The following MDGA2 variants were observed in gnomAD, a reference collection of about 807,000 sequenced individuals.
MDGA2 encodes MAM domain containing glycosylphosphatidylinositol anchor 2, also known as MAM domain-containing glycosylphosphatidylinositol anchor protein 2.
MDGA2 carries 40 observed loss-of-function variants against 117.8 expected under a neutral mutation model. That is an observed-to-expected ratio of 0.34 (90% CI 0.26 to 0.44). The LOEUF is 0.44. Among genes scored for constraint, MDGA2 ranks in the 20% least tolerant of loss-of-function variants. The pLI is 1.00. For synonymous variants in MDGA2, 452 were observed against 439.0 expected (o/e 1.03, Z -0.37); for missense variants, 1,123 against 1,250.6 (o/e 0.90, Z 1.54).
chr14:46,890,338 A>T (rs1882832897), intron 10 of MDGA2, among the ~76,000 whole-genome samples: 1 of 152,138 alleles, frequency 6.6e-6, no homozygotes, highest in African/African-American at 2.4e-5. Context: ...CAGTTAATAA[A>T]GAAAATTACA....
intron 10 of MDGA2, among the ~76,000 whole-genome samples, chr14:46,906,389 T>C (rs1391722724): frequency 6.6e-6 from 1 of 152,126 alleles, no homozygotes; most frequent in African/African-American, 2.4e-5. Context: ...GGACCAGAAT[T>C]ACTGAACTTT....
intron 5 of MDGA2, among the ~76,000 whole-genome samples, chr14:47,113,157 C>T (rs574820042): frequency 1.3e-5 from 2 of 152,172 alleles, no homozygotes; most frequent in East Asian, 3.9e-4. Flanking sequence ...CACAGAAATA[C>T]AAACAACCAT....
At chr14:47,017,728 G>A (rs1888135239) in intron 8 of MDGA2, among the ~76,000 whole-genome samples, 1 of 151,988 alleles carries the variant, frequency 6.6e-6, no homozygotes, top group Non-Finnish European at 1.5e-5. Context: ...CTGCTCTAGT[G>A]AGTGAAAAAT....
At chr14:47,031,552 C>T (rs1330004927) in intron 8 of MDGA2, among the ~76,000 whole-genome samples, 1 of 152,012 alleles carries the variant, frequency 6.6e-6, no homozygotes, top group Non-Finnish European at 1.5e-5. Context: ...GCAGCAAATC[C>T]TCAGCTATCC....
intron 10 of MDGA2, among the ~76,000 whole-genome samples, chr14:46,917,653 G>T (rs1738724556): frequency 6.6e-6 from 1 of 152,124 alleles, no homozygotes; most frequent in Admixed American, 6.6e-5. Flanking sequence ...AAGAGTAGGA[G>T]AAAATTCACT....
intron 3 of MDGA2, among the ~76,000 whole-genome samples, chr14:47,164,872 C>A (rs1340321658): frequency 6.6e-6 from 1 of 152,154 alleles, no homozygotes; most frequent in African/African-American, 2.4e-5. Context: ...CAATGATAGA[C>A]TGGATTGAGA....
intron 6 of MDGA2, among the ~76,000 whole-genome samples, chr14:47,083,894 C>T (rs992796097): frequency 6.6e-6 from 1 of 151,094 alleles, no homozygotes; most frequent in Non-Finnish European, 1.5e-5. Context: ...CTGTATATAC[C>T]CTTCCCCCTC....
intron 7 of MDGA2, among the ~76,000 whole-genome samples, chr14:47,039,465 G>C (rs913086303): frequency 2.6e-5 from 4 of 152,132 alleles, no homozygotes; most frequent in African/African-American, 9.7e-5. Flanking sequence ...CTCAGTAGAA[G>C]TCATCATTTT....
chr14:47,571,393 C>A (rs1033858837), intron 1 of MDGA2, among the ~76,000 whole-genome samples: 1 of 152,168 alleles, frequency 6.6e-6, no homozygotes, highest in South Asian at 2.1e-4. Flanking sequence ...ACACAGCAAT[C>A]CCATTACTGG....
At position 47,411,870 on chromosome 14, in the gene MDGA2, A is replaced by T. The variant is rs529336880; in HGVS notation, c.281-110320T>A. Among the ~76,000 whole-genome samples, 10 of 152,322 alleles carry T rather than the reference A, an allele frequency of 6.6e-5. No individual in the cohort carries two copies. The South Asian group carries it at 1.9e-3, about 28-fold the overall frequency. On this transcript the variant is annotated intron_variant, in intron 1 of 16. Coordinates refer to ENST00000399232, the MANE Select transcript of MDGA2 (RefSeq NM_001113498.3). ...ATTTGATATAATCCCAAAGACCCGT[A>T]AGACTTCCTATGGAGTGCTATGTGC...
intron 9 of MDGA2, among the ~76,000 whole-genome samples, chr14:46,925,818 GA>G (rs954285362): frequency 6.6e-6 from 1 of 151,828 alleles, no homozygotes; most frequent in Non-Finnish European, 1.5e-5. Context: ...TCTTAAAGAA[GA>G]AAAAATCAAA....
At chr14:47,225,701 T>C (rs1352726423) in intron 2 of MDGA2, among the ~76,000 whole-genome samples, 2 of 151,790 alleles carry the variant, frequency 1.3e-5, no homozygotes, top group Non-Finnish European at 2.9e-5. Flanking sequence ...TTAGGAGATA[T>C]ACCTAATGCT....
intron 1 of MDGA2, among the ~76,000 whole-genome samples, chr14:47,431,207 A>G (rs140809778): frequency 1.3e-4 from 20 of 152,188 alleles, no homozygotes; most frequent in Non-Finnish European, 2.5e-4. Context: ...AATAATTATT[A>G]AACAATTAAT....
chr14:47,417,125 T>C (rs993263172), intron 1 of MDGA2, among the ~76,000 whole-genome samples: 1 of 152,226 alleles, frequency 6.6e-6, no homozygotes, highest in Non-Finnish European at 1.5e-5. Flanking sequence ...CTGTGCTTTC[T>C]CATTCTTTTC....
intron 3 of MDGA2, among the ~76,000 whole-genome samples, chr14:47,207,115 C>G (rs1380693320): frequency 6.6e-6 from 1 of 151,910 alleles, no homozygotes; most frequent in Non-Finnish European, 1.5e-5. Context: ...GACATAGTTA[C>G]AGTAAATAAT....
At chr14:47,205,338 C>G (rs1885646159) in intron 3 of MDGA2, among the ~76,000 whole-genome samples, 1 of 151,870 alleles carries the variant, frequency 6.6e-6, no homozygotes, top group African/African-American at 2.4e-5. Flanking sequence ...GATCTTATGT[C>G]TATTCTTACT....
At chr14:47,104,905 G>A (rs1421551651) in intron 5 of MDGA2, among the ~76,000 whole-genome samples, 12 of 151,930 alleles carry the variant, frequency 7.9e-5, no homozygotes, top group Non-Finnish European at 1.3e-4. Flanking sequence ...CAATCTTGGT[G>A]CCACACTTCA....
chr14:46,994,565 C>T (rs1887217640), intron 8 of MDGA2, among the ~76,000 whole-genome samples: 1 of 151,832 alleles, frequency 6.6e-6, no homozygotes, highest in Admixed American at 6.6e-5. Context: ...AATACATAAA[C>T]ACAGAAACTC....
intron 1 of MDGA2, among the ~76,000 whole-genome samples, chr14:47,615,932 G>C (rs555288092): frequency 6.6e-6 from 1 of 152,188 alleles, no homozygotes; most frequent in South Asian, 2.1e-4. Flanking sequence ...TGGGGTCTTT[G>C]GCACTAGCAT....
Sources: gnomAD v4.1 joint callset for allele counts (sites outside exome capture counted in the v4.1 genomes callset) on GRCh38, gnomAD v4.1.1 for gene constraint, MANE v1.5 for transcripts, NCBI Gene and HGNC (gene_info 2026-07-23, HGNC 2026-07-21) for gene names.